Variants in C8orf34 observed in about 807,000 individuals in gnomAD.
C8orf34 encodes the protein uncharacterized protein C8orf34.
Under a neutral mutation model 68.3 loss-of-function variants are expected in C8orf34, and 65 were observed. The observed-to-expected ratio is 0.95, with a 90% CI of 0.78 to 1.17. C8orf34 has a LOEUF of 1.17. Ranked by LOEUF, C8orf34 falls within the 50% of genes most tolerant of loss-of-function variation. The pLI is 0.00. For synonymous variants in C8orf34, 244 were observed against 241.2 expected (o/e 1.01, Z -0.11); for missense variants, 664 against 655.4 (o/e 1.01, Z -0.14).
chr8:68,431,426 T>G (rs1487197951), intron 1 of C8orf34, among the ~76,000 whole-genome samples: 3 of 152,244 alleles, frequency 2.0e-5, no homozygotes, highest in Admixed American at 6.5e-5. Flanking sequence ...ACTGCTTTGC[T>G]CTTTCCACTG....
chr8:68,809,206 T>A (rs1390427028), intron 12 of C8orf34, among the ~76,000 whole-genome samples: 2 of 152,200 alleles, frequency 1.3e-5, no homozygotes, highest in African/African-American at 4.8e-5. Context: ...TAAAGGCAAA[T>A]GCTCTCCTCT....
intron 1 of C8orf34, among the ~76,000 whole-genome samples, chr8:68,350,936 G>C (rs190416086): frequency 6.6e-6 from 1 of 151,916 alleles, no homozygotes; most frequent in Non-Finnish European, 1.5e-5. Flanking sequence ...TGCCTTTTAA[G>C]TGGGACATAT....
intron 1 of C8orf34, among the ~76,000 whole-genome samples, chr8:68,416,711 A>T (rs1281860139): frequency 6.6e-6 from 1 of 151,840 alleles, no homozygotes; most frequent in Non-Finnish European, 1.5e-5. Context: ...TTCTATTTTC[A>T]GTAGAGGTGG....
chr8:68,576,980 T>C (rs6989981), intron 7 of C8orf34, among the ~76,000 whole-genome samples: 187 of 152,138 alleles, frequency 1.2e-3, no homozygotes, highest in African/African-American at 4.3e-3. Flanking sequence ...TGATTATGTA[T>C]AATATTTGTA....
intron 8 of C8orf34, among the ~76,000 whole-genome samples, chr8:68,657,126 C>T (rs1194277454): frequency 1.3e-5 from 2 of 152,128 alleles, no homozygotes; most frequent in Non-Finnish European, 2.9e-5. Flanking sequence ...AATGAACTTA[C>T]CTCATTCTGC....
chr8:68,657,212 G>A (rs1168202377), intron 8 of C8orf34, among the ~76,000 whole-genome samples: 5 of 152,004 alleles, frequency 3.3e-5, no homozygotes, highest in Non-Finnish European at 7.4e-5. Flanking sequence ...GTTCACATTC[G>A]CTTCCTTTTC....
At chr8:68,611,685 G>C (rs912990828) in intron 7 of C8orf34, among the ~76,000 whole-genome samples, 2 of 152,126 alleles carry the variant, frequency 1.3e-5, no homozygotes, top group Non-Finnish European at 2.9e-5. Flanking sequence ...GTATCAACTA[G>C]TTTATAGAAA....
rs932581960 is a variant in C8orf34, at chr8:68,694,473, T to TA, written c.1242-14513dup. Reference sequence around the variant, plus strand: ...AATATCCAGAATATAAATTATGAAGTAAAAAAAATACAATTTTTGAAAATG... The same window carrying TA: ...AATATCCAGAATATAAATTATGAAGTAAAAAAAAATACAATTTTTGAAAATG... On this transcript the variant is annotated intron_variant, in intron 8 of 13. Transcript: ENST00000518698. Among the ~76,000 whole-genome samples the TA allele has an allele frequency of 1.1e-4, 17 of 152,028 alleles. No individual in the cohort carries two copies. In the South Asian group the frequency reaches 3.1e-3, roughly 28 times the overall value.
intron 8 of C8orf34, among the ~76,000 whole-genome samples, chr8:68,661,767 G>A (rs185092302): frequency 9.5e-4 from 145 of 152,094 alleles, no homozygotes; most frequent in African/African-American, 3.2e-3. Context: ...AATATCTGGT[G>A]TAAGCACTTG....
intron 8 of C8orf34, among the ~76,000 whole-genome samples, chr8:68,700,408 G>A (rs574489517): frequency 6.6e-6 from 1 of 152,100 alleles, no homozygotes; most frequent in Non-Finnish European, 1.5e-5. Flanking sequence ...AATGGGTTCG[G>A]CAAAGAGAAT....
chr8:68,508,691 G>A (rs1283056676), intron 5 of C8orf34, among the ~76,000 whole-genome samples: 2 of 152,092 alleles, frequency 1.3e-5, no homozygotes, highest in African/African-American at 4.8e-5. Context: ...TGTTCCAAAT[G>A]TTTTGCATCT....
Position 68,550,347 on chromosome 8 carries a change from T to C in C8orf34, c.1105+17198T>C, listed in dbSNP as rs145375981. Among the ~76,000 whole-genome samples the C allele has an allele frequency of 4.6e-3, 698 of 151,914 alleles. 6 individuals carry two copies. Among genetic ancestry groups the C allele is most frequent in the Admixed American group, 0.031 (468 of 15,234 alleles). On this transcript the variant is annotated intron_variant, in intron 7 of 13. Coordinates refer to ENST00000518698, the MANE Select transcript of C8orf34 (RefSeq NM_052958.4). The stretch of plus-strand genomic sequence containing the variant: ...GTTTAAATTATACTATATTGCTTCA[T>C]GGGTAGTTCAAATACCTTGTAATAT...
chr8:68,438,580 T>A (rs897501411), intron 1 of C8orf34: 1 of 152,082 alleles, frequency 6.6e-6, no homozygotes, highest in Admixed American at 6.6e-5. Flanking sequence ...AAAACAGCAA[T>A]GAACAGACTA....
At chr8:68,677,018 C>T (rs1172921650) in intron 8 of C8orf34, among the ~76,000 whole-genome samples, 1 of 152,154 alleles carries the variant, frequency 6.6e-6, no homozygotes, top group African/African-American at 2.4e-5. Flanking sequence ...GTCCCTCCCA[C>T]AACACCTGAG....
At chr8:68,461,396 A>G (rs1811818098) in intron 3 of C8orf34, among the ~76,000 whole-genome samples, 1 of 152,236 alleles carries the variant, frequency 6.6e-6, no homozygotes, top group East Asian at 1.9e-4. Flanking sequence ...AACTTCCCCA[A>G]TCTAGCAAGG....
intron 9 of C8orf34, among the ~76,000 whole-genome samples, chr8:68,714,699 C>T (rs1821420466): frequency 6.6e-6 from 1 of 152,076 alleles, no homozygotes; most frequent in Admixed American, 6.6e-5. Context: ...ACCACACTGC[C>T]AAAAGCAATC....
At chr8:68,617,717 A>AT (rs1185742520) in intron 7 of C8orf34, among the ~76,000 whole-genome samples, 1 of 151,856 alleles carries the variant, frequency 6.6e-6, no homozygotes, top group African/African-American at 2.4e-5. Context: ...TGCCCTTAAC[A>AT]TTTTTTCCTT....
chr8:68,732,005 A>T (rs1821991656), intron 10 of C8orf34, among the ~76,000 whole-genome samples: 1 of 152,224 alleles, frequency 6.6e-6, no homozygotes, highest in African/African-American at 2.4e-5. Context: ...TGTGTACTGT[A>T]CAAATATTGT....
At chr8:68,650,306 G>A (rs1371932351) in intron 8 of C8orf34, among the ~76,000 whole-genome samples, 1 of 151,960 alleles carries the variant, frequency 6.6e-6, no homozygotes, top group African/African-American at 2.4e-5. Flanking sequence ...GGAGAGAGGG[G>A]TCCAGAGAGG....
Sources: allele counts gnomAD v4.1 joint callset (sites outside exome capture counted in the v4.1 genomes callset), GRCh38; gene constraint gnomAD v4.1.1; transcripts MANE v1.5; gene names NCBI Gene and HGNC (gene_info 2026-07-23, HGNC 2026-07-21).